The following SLC20A2 variants were observed in gnomAD, a reference collection of about 807,000 sequenced individuals.
SLC20A2 encodes the protein solute carrier family 20 member 2.
A neutral mutation model predicts 61.0 loss-of-function variants in SLC20A2; 30 were observed. The ratio of observed to expected loss-of-function variants is 0.49; its 90% confidence interval spans 0.37 to 0.67. SLC20A2 has a LOEUF of 0.67. Among genes scored for constraint, SLC20A2 ranks in the 30% least tolerant of loss-of-function variants. The probability of loss-of-function intolerance (pLI) is 0.00; values close to 1 mark genes in which losing one functional copy is unlikely to be tolerated. For missense variants in SLC20A2, 626 were observed against 866.4 expected (o/e 0.72, Z 3.48); for synonymous variants, 351 against 353.3 (o/e 0.99, Z 0.07).
At chr8:42,452,922 C>A (rs547103032) in intron 5 of SLC20A2, among the ~76,000 whole-genome samples, 4 of 152,162 alleles carry the variant, frequency 2.6e-5, no homozygotes, top group Admixed American at 6.6e-5. Flanking sequence ...GAGGAAGCCA[C>A]GTTTCTGGTA....
intron 9 of SLC20A2, among the ~76,000 whole-genome samples, chr8:42,429,572 G>T (rs540382910): frequency 6.6e-6 from 1 of 152,348 alleles, no homozygotes; most frequent in South Asian, 2.1e-4. Flanking sequence ...AGGCTATGCG[G>T]TTGAGAGACC....
In SLC20A2 at chr8:42,481,370, C is replaced by A. The variant is rs141070308; in HGVS notation, c.-264-8716G>T. Among the ~76,000 whole-genome samples the A allele has an allele frequency of 4.0e-3, 605 of 152,206 alleles. 8 individuals are homozygous for A. Among genetic ancestry groups the A allele is most frequent in the African/African-American group, 0.014 (572 of 41,504 alleles). On this transcript the variant is annotated intron_variant, in intron 1 of 10. Coordinates refer to ENST00000520262, the MANE Select transcript of SLC20A2 (RefSeq NM_001257180.2). ...CCACACCACACCAGGGTAGGAGGCA[C>A]TGAAATGAAAGCAATGCCGAGAAAC...
intron 1 of SLC20A2, among the ~76,000 whole-genome samples, chr8:42,492,972 C>T (rs754518543): frequency 3.2e-4 from 49 of 152,202 alleles, no homozygotes; most frequent in Admixed American, 2.0e-4. Flanking sequence ...TGAGCCACCA[C>T]GCCCAGCCTT....
At chr8:42,457,389 C>T (rs1806293981) in intron 5 of SLC20A2, among the ~76,000 whole-genome samples, 1 of 152,196 alleles carries the variant, frequency 6.6e-6, no homozygotes, top group African/African-American at 2.4e-5. Context: ...AACTTTGCTT[C>T]CTGCTTTCCT....
chr8:42,456,523 G>C lies in SLC20A2; in HGVS notation c.613+3373C>G, dbSNP rs180676032. ...CAAGGCAGGCGGATCACGAGGTCAG[G>C]AGTTTGAGACCAGACTGGCCAACAT... is the stretch of plus-strand genomic sequence containing the variant. On this transcript the variant is annotated intron_variant, in intron 5 of 10. Transcript: ENST00000520262. 6.4e-4 allele frequency among the ~76,000 whole-genome samples: 97 copies of C among 152,190 alleles called. No individual in the cohort carries two copies. The East Asian group carries it at 0.015, about 23-fold the overall frequency.
chr8:42,523,855 G>A (rs1347750081), intron 1 of SLC20A2, among the ~76,000 whole-genome samples: 4 of 152,156 alleles, frequency 2.6e-5, no homozygotes. Flanking sequence ...CCGTGGCTTC[G>A]GCTAGTGGCG....
In SLC20A2 at chr8:42,501,025, A is replaced by G. The variant is rs997925673; in HGVS notation, c.-265+6T>C. The stretch of plus-strand genomic sequence containing the variant: ...GAGAAGTCTTAAAATTCCACCCAGT[A>G]CTTACAAGTAGTTTCCAAGAAAACT... On this transcript the variant is annotated splice_donor_region_variant and intron_variant, in intron 1 of 10. Coordinates refer to ENST00000520262, the MANE Select transcript of SLC20A2 (RefSeq NM_001257180.2). 2 of 152,206 alleles carry G rather than the reference A, an allele frequency of 1.3e-5. No homozygotes were observed. Among genetic ancestry groups the G allele is most frequent in the African/African-American group, 4.8e-5 (2 of 41,462 alleles). The allele number at this position is 152,206 out of a possible 1,614,324, so 9.4% of individuals were successfully genotyped here.
At chr8:42,533,180 C>A (rs1273387751) in intron 1 of SLC20A2, among the ~76,000 whole-genome samples, 3 of 150,786 alleles carry the variant, frequency 2.0e-5, no homozygotes, top group Non-Finnish European at 4.4e-5. Context: ...AGACTTCATT[C>A]ATAAAAGCAA....
chr8:42,420,178 T>C (rs1802949484), intron 10 of SLC20A2, among the ~76,000 whole-genome samples: 1 of 149,382 alleles, frequency 6.7e-6, no homozygotes. Flanking sequence ...AGAGTAAAAC[T>C]CCGTCTCAAA....
chr8:42,434,710 C>A (rs1289935880), intron 8 of SLC20A2, among the ~76,000 whole-genome samples: 1 of 152,196 alleles, frequency 6.6e-6, no homozygotes, highest in African/African-American at 2.4e-5. Flanking sequence ...TCTTCTCACT[C>A]AGATGACTTC....
chr8:42,437,104 G>T lies in SLC20A2; in HGVS notation c.1408C>A (p.Pro470Thr). Residue 470 changes from proline to threonine, a missense_variant, in exon 8 of 11, where the codon CCT (proline) becomes ACT (threonine). Pro to Thr is a conservative substitution (Grantham distance 38). Transcript: ENST00000520262. This position sits in a 1 kb window ranked among gnomAD's most constrained non-coding sequence, Gnocchi z 6.4. ...TTCTCCTCCTTCTCCTCCTCTGCAGGGTCCTCTCGCGGCTGGTCAGGGTCG... is the reference window on the plus strand; with the variant it reads ...TTCTCCTCCTTCTCCTCCTCTGCAGTGTCCTCTCGCGGCTGGTCAGGGTCG... ...LADPDQPRED[P>T]AEEEKEEKDA... The T allele has an allele frequency of 6.2e-7, 1 of 1,614,014 alleles. No individual in the cohort carries two copies. Among genetic ancestry groups the T allele is most frequent in the Non-Finnish European group, 8.5e-7 (1 of 1,179,988 alleles).
chr8:42,495,651 A>G (rs1809868808), intron 1 of SLC20A2, among the ~76,000 whole-genome samples: 1 of 152,216 alleles, frequency 6.6e-6, no homozygotes, highest in Non-Finnish European at 1.5e-5. Flanking sequence ...TTTGGCTCAA[A>G]TGTCCTCACC....
chr8:42,441,494 G>C (rs1804780650), intron 6 of SLC20A2, among the ~76,000 whole-genome samples: 2 of 149,512 alleles, frequency 1.3e-5, no homozygotes, highest in Non-Finnish European at 2.9e-5. Flanking sequence ...TTTTGAGACA[G>C]AGTCTTACTC....
chr8:42,448,415 T>C (rs1407900328), intron 5 of SLC20A2, among the ~76,000 whole-genome samples: 1 of 152,204 alleles, frequency 6.6e-6, no homozygotes, highest in Non-Finnish European at 1.5e-5. Context: ...CAAGAAGGGC[T>C]ACTTGATGGG....
At chr8:42,456,750 A>C (rs1438057116) in intron 5 of SLC20A2, among the ~76,000 whole-genome samples, 3 of 149,988 alleles carry the variant, frequency 2.0e-5, no homozygotes, top group Non-Finnish European at 4.5e-5. Flanking sequence ...AAAAAAAAAA[A>C]AAAAACAAGG....
At chr8:42,438,066 A>C (rs1430790115) in intron 7 of SLC20A2, among the ~76,000 whole-genome samples, 5,007 of 136,028 alleles carry the variant, frequency 0.037, 417 homozygotes, top group African/African-American at 0.13. Flanking sequence ...AAAAAACCAA[A>C]AAAAAAAAAA....
chr8:42,429,982 G>T, intron 9 of SLC20A2, 82 bp downstream of exon 9: 2 of 1,274,156 alleles, frequency 1.6e-6, no homozygotes, highest in Non-Finnish European at 2.1e-6. Flanking sequence ...GTGCTGAGCA[G>T]GCCGTTCAGA....
intron 5 of SLC20A2, among the ~76,000 whole-genome samples, chr8:42,458,023 C>T (rs1806351176): frequency 6.6e-6 from 1 of 152,128 alleles, no homozygotes; most frequent in Non-Finnish European, 1.5e-5. Flanking sequence ...TAGGACATGT[C>T]ATTTAGCAGA....
At chr8:42,540,918 G>C (rs1813075323) in intron 1 of SLC20A2, 2 of 152,214 alleles carry the variant, frequency 1.3e-5, no homozygotes. Context: ...GACTTACACT[G>C]ACAATGCTAT....
Sources: gnomAD v4.1 joint callset for allele counts (sites outside exome capture counted in the v4.1 genomes callset) on GRCh38, gnomAD v4.1.1 for gene constraint, Gnocchi (gnomAD v3.1) non-coding constraint, MANE v1.5 for transcripts, NCBI Gene and HGNC (gene_info 2026-07-23, HGNC 2026-07-21) for gene names.